Variants in PNMA2 observed in about 807,000 individuals in gnomAD.
The protein encoded by PNMA2 is paraneoplastic antigen Ma2.
For synonymous variants in PNMA2, 175 were observed against 183.5 expected (o/e 0.95, Z 0.38); for missense variants, 455 against 452.9 (o/e 1.00, Z -0.04).
rs1487114560 is a variant in PNMA2, at chr8:26,507,906, C to T, written c.850G>A (p.Ala284Thr). Reference sequence around the variant, plus strand: ...TGGTCCGCAATACGCCGAGGGATGGCGCGTTTCTCCACCGCTCTCCGGAGC... The same window carrying T: ...TGGTCCGCAATACGCCGAGGGATGGTGCGTTTCTCCACCGCTCTCCGGAGC... ...TLLRRAVEKR[A>T]IPRRIADQVR... Residue 284 changes from alanine to threonine, a missense_variant, in exon 3 of 3, where the codon GCC (alanine) becomes ACC (threonine). Physicochemically the swap from Ala to Thr is moderately conservative, Grantham distance 58. Transcript: ENST00000522362. 2 of 1,614,112 alleles carry T rather than the reference C, an allele frequency of 1.2e-6. No homozygotes were observed. The highest frequency in any genetic ancestry group is 1.7e-6 in the Non-Finnish European group (2 of 1,180,044).
intron 1 of PNMA2, among the ~76,000 whole-genome samples, chr8:26,511,006 T>A (rs893059708): frequency 1.3e-5 from 2 of 151,890 alleles, no homozygotes; most frequent in African/African-American, 2.4e-5. Flanking sequence ...ACAAAAATTA[T>A]CTGGGTGTGG....
intron 1 of PNMA2, among the ~76,000 whole-genome samples, chr8:26,512,123 C>T (rs1377349744): frequency 6.6e-6 from 1 of 152,184 alleles, no homozygotes; most frequent in Non-Finnish European, 1.5e-5. Context: ...TGGAAGACTC[C>T]CACTGGAATT....
chr8:26,512,776 C>T (rs962128001), intron 1 of PNMA2: 1 of 152,300 alleles, frequency 6.6e-6, no homozygotes, highest in African/African-American at 2.4e-5. Flanking sequence ...CAATGAAGGA[C>T]CAGCATTGAC....
In PNMA2 at chr8:26,509,800, T is replaced by C. The variant is rs1345421610; in HGVS notation, c.-618-123A>G. On this transcript the variant is annotated intron_variant, in intron 1 of 2. Coordinates refer to ENST00000522362, the MANE Select transcript of PNMA2 (RefSeq NM_007257.6). This position sits in a 1 kb window ranked among gnomAD's most constrained non-coding sequence, Gnocchi z 5.7. ...CAATACTACTCAATATTAAGTTGCT[T>C]TACCTCTTTGATTAACAAAACTAAT... is the stretch of plus-strand genomic sequence containing the variant. 1 of 152,224 alleles carries C rather than the reference T, an allele frequency of 6.6e-6. No homozygotes were observed. The highest frequency in any genetic ancestry group is 1.5e-5 in the Non-Finnish European group (1 of 68,036). 9.4% of individuals were successfully genotyped at this position (152,224 alleles called of 1,614,324 possible). A position where few individuals can be genotyped will look rare whatever the true frequency, so the allele number is the denominator to read the frequency against.
chr8:26,508,313 T>G lies in PNMA2; in HGVS notation c.443A>C (p.Gln148Pro), dbSNP rs376307662. The G allele has an allele frequency of 1.9e-6, 3 of 1,609,896 alleles. No homozygotes were observed. Among genetic ancestry groups the G allele is most frequent in the Non-Finnish European group, 2.5e-6 (3 of 1,177,760 alleles). The change falls in exon 3 of 3, where the codon CAG becomes CCG. Residue 148 changes from glutamine to proline, a missense_variant. Gln to Pro is a moderately conservative substitution (Grantham distance 76). Transcript: ENST00000522362. The surrounding 1 kb of genome is among the most constrained non-coding windows in gnomAD (Gnocchi z 5.5). ...GGGCTGAGGCGCATGTGCCATTGCC[T>G]GTCCCAACAAATGGGCCAGTAATTC... ...SPELLAHLLG[Q>P]AMAHAPQPLL...
At chr8:26,511,985 G>GA (rs1808165024) in intron 1 of PNMA2, among the ~76,000 whole-genome samples, 1 of 152,120 alleles carries the variant, frequency 6.6e-6, no homozygotes, top group Admixed American at 6.5e-5. Flanking sequence ...AACATGGCAA[G>GA]AAACACCCTT....
rs749499439 is a variant in PNMA2, at chr8:26,507,284, G to C, written c.*377C>G. 25 of 162,146 alleles carry C rather than the reference G, an allele frequency of 1.5e-4. No individual in the cohort carries two copies. The highest frequency in any genetic ancestry group is 2.8e-4 in the Non-Finnish European group (21 of 75,146). 10.0% of individuals were successfully genotyped at this position (162,146 alleles called of 1,614,324 possible). A position where few individuals can be genotyped will look rare whatever the true frequency, so the allele number is the denominator to read the frequency against. On this transcript the variant is annotated 3_prime_UTR_variant, in exon 3 of 3. Transcript: ENST00000522362. The stretch of plus-strand genomic sequence containing the variant: ...TCTCTACCAAAAATACAAAAGAATA[G>C]CTAGGCATGGTGGTGCGTGCCTGTA...
chr8:26,506,423 C>T lies in PNMA2; in HGVS notation c.*1238G>A, dbSNP rs1808045407. The T allele has an allele frequency of 1.3e-5, 2 of 152,314 alleles. No homozygotes were observed. Among genetic ancestry groups the T allele is most frequent in the African/African-American group, 4.8e-5 (2 of 41,470 alleles). 9.4% of individuals were successfully genotyped at this position (152,314 alleles called of 1,614,324 possible). On this transcript the variant is annotated 3_prime_UTR_variant, in exon 3 of 3. Coordinates refer to ENST00000522362, the MANE Select transcript of PNMA2 (RefSeq NM_007257.6). The surrounding 1 kb of genome is among the most constrained non-coding windows in gnomAD (Gnocchi z 4.4). ...TGCCCTAAACAACCCTGCTCTCAAG[C>T]ATGCAGTCCCCTCATGTCCCCCTTT...
Position 26,507,847 on chromosome 8 carries a change from A to C in PNMA2, c.909T>G (p.Thr303=). 6.2e-7 allele frequency: 1 copy of C among 1,614,012 alleles called. No individual in the cohort carries two copies. The highest frequency in any genetic ancestry group is 1.7e-5 in the Admixed American group (1 of 60,022). The change falls in exon 3 of 3, where the codon ACT becomes ACG. Residue 303 remains threonine, a synonymous_variant. Transcript: ENST00000522362. ...GCCGGCACCACAGCATCTGGTTAAG[A>C]GTGGCCCCAGCCATGACCTGCTCCA... ...VRLEQVMAGA[T]LNQMLWCRLR... is the part of the protein sequence containing the mutation.
Position 26,508,801 on chromosome 8 carries a change from T to C in PNMA2, c.-46A>G. On this transcript the variant is annotated 5_prime_UTR_variant, in exon 3 of 3. Transcript: ENST00000522362. This position sits in a 1 kb window ranked among gnomAD's most constrained non-coding sequence, Gnocchi z 5.5. Reference sequence around the variant, plus strand: ...TCTGACTCTACAGGCACCAATTTGTTAGTGGTGCAGCTATGCACTGACTTA... The same window carrying C: ...TCTGACTCTACAGGCACCAATTTGTCAGTGGTGCAGCTATGCACTGACTTA... The C allele has an allele frequency of 2.6e-6, 4 of 1,565,604 alleles. No individual in the cohort carries two copies. The highest frequency in any genetic ancestry group is 3.5e-6 in the Non-Finnish European group (4 of 1,158,504).
At chr8:26,511,088 G>T (rs1563369222) in intron 1 of PNMA2, among the ~76,000 whole-genome samples, 1 of 147,904 alleles carries the variant, frequency 6.8e-6, no homozygotes, top group Non-Finnish European at 1.5e-5. Flanking sequence ...GGAGACGGAA[G>T]TTGCAGTGAG....
chr8:26,509,293 A>G lies in PNMA2; in HGVS notation c.-488-50T>C, dbSNP rs747492898. On this transcript the variant is annotated intron_variant, in intron 2 of 2. Transcript: ENST00000522362. This position sits in a 1 kb window ranked among gnomAD's most constrained non-coding sequence, Gnocchi z 5.7. Reference sequence around the variant, plus strand: ...CTACACAGCACTCTCTTTCCTTGGAAGCATCCATACTCTAATCTGGAATGG... The same window carrying G: ...CTACACAGCACTCTCTTTCCTTGGAGGCATCCATACTCTAATCTGGAATGG... 1.2e-4 allele frequency: 19 copies of G among 158,742 alleles called. No individual in the cohort carries two copies. The highest frequency in any genetic ancestry group is 2.6e-4 in the Non-Finnish European group (18 of 68,332). 9.8% of individuals were successfully genotyped at this position (158,742 alleles called of 1,614,324 possible).
rs556801304 is a variant in PNMA2 at position 26,506,950 on chromosome 8, G to C, written c.*711C>G. 2.0e-5 allele frequency: 3 copies of C among 148,292 alleles called. No homozygotes were observed. Among genetic ancestry groups the C allele is most frequent in the East Asian group, 3.9e-4 (2 of 5,076 alleles). 9.2% of individuals were successfully genotyped at this position (148,292 alleles called of 1,614,324 possible). On this transcript the variant is annotated 3_prime_UTR_variant, in exon 3 of 3. Coordinates refer to ENST00000522362, the MANE Select transcript of PNMA2 (RefSeq NM_007257.6). The surrounding 1 kb of genome is among the most constrained non-coding windows in gnomAD (Gnocchi z 4.4). ...CATTACAAAAGGTATTTTTTTTTTT[G>C]ACTGCCAATTCTTTCTTCTATGGTA...
At chr8:26,512,836 T>C (rs1808186096) in intron 1 of PNMA2, 1 of 152,440 alleles carries the variant, frequency 6.6e-6, no homozygotes, top group African/African-American at 2.4e-5. Flanking sequence ...ACCAACCCGG[T>C]GGCCGTGGCT....
Position 26,509,842 on chromosome 8 carries a change from G to A in PNMA2, c.-618-165C>T, listed in dbSNP as rs149799147. On this transcript the variant is annotated intron_variant, in intron 1 of 2. Transcript: ENST00000522362. This position sits in a 1 kb window ranked among gnomAD's most constrained non-coding sequence, Gnocchi z 5.7. The stretch of plus-strand genomic sequence containing the variant: ...AAAACTAATGAGGAATCACTCAAAC[G>A]TTTAAAAATAGTTTAATCTAGGTAT... Among the ~76,000 whole-genome samples the A allele has an allele frequency of 7.8e-4, 119 of 152,230 alleles. No homozygotes were observed. The highest frequency in any genetic ancestry group is 2.6e-3 in the African/African-American group (106 of 41,532).
Position 26,507,727 on chromosome 8 carries a change from A to G in PNMA2, c.1029T>C (p.Asn343=), listed in dbSNP as rs760582852. The G allele has an allele frequency of 3.7e-6, 6 of 1,606,200 alleles. No homozygotes were observed. In the Admixed American group the frequency reaches 8.5e-5, roughly 23 times the overall value. ...EEEEEEASFE[N]ESIEEPEERD... ...GTTCCTCTGGCTCTTCGATACTCTC[A>G]TTCTCAAAGGAGGCCTCTTCCTCCT... is the stretch of plus-strand genomic sequence containing the variant. Residue 343 remains asparagine, a synonymous_variant, in exon 3 of 3, where the codon AAT becomes AAC. Transcript: ENST00000522362.
chr8:26,512,544 G>T (rs1050298300), intron 1 of PNMA2, among the ~76,000 whole-genome samples: 40 of 152,142 alleles, frequency 2.6e-4, no homozygotes, highest in African/African-American at 9.4e-4. Flanking sequence ...CTGACAATGG[G>T]ACTGGATCCC....
Position 26,507,903 on chromosome 8 carries a change from T to C in PNMA2, c.853A>G (p.Ile285Val). 2 of 1,614,190 alleles carry C rather than the reference T, an allele frequency of 1.2e-6. No individual in the cohort carries two copies. The highest frequency in any genetic ancestry group is 8.5e-7 in the Non-Finnish European group (1 of 1,180,046). The change falls in exon 3 of 3, where the codon ATC becomes GTC. Residue 285 changes from isoleucine to valine, a missense_variant. Ile to Val is a conservative substitution (Grantham distance 29). Transcript: ENST00000522362. ...LLRRAVEKRA[I>V]PRRIADQVRL... ...ACCTGGTCCGCAATACGCCGAGGGATGGCGCGTTTCTCCACCGCTCTCCGG... is the reference window on the plus strand; with the variant it reads ...ACCTGGTCCGCAATACGCCGAGGGACGGCGCGTTTCTCCACCGCTCTCCGG...
At position 26,508,204 on chromosome 8, in the gene PNMA2, C is replaced by G. The variant is rs770201366; in HGVS notation, c.552G>C (p.Trp184Cys). The G allele has an allele frequency of 6.2e-7, 1 of 1,612,074 alleles. No homozygotes were observed. The highest frequency in any genetic ancestry group is 1.7e-5 in the Admixed American group (1 of 59,794). Residue 184 changes from tryptophan (W) to cysteine (C), a missense_variant, in exon 3 of 3, where the codon TGG (tryptophan) becomes TGC (cysteine). By Grantham distance (215) the Trp-to-Cys change is radical (BLOSUM62 -2). Transcript: ENST00000522362. The surrounding 1 kb of genome is among the most constrained non-coding windows in gnomAD (Gnocchi z 5.5). Reference sequence around the variant, plus strand: ...TGACTATCTCCGTGGCCTGTTCCAACCAGACCTCAAAGGACTCTTCCTCTG... The same window carrying G: ...TGACTATCTCCGTGGCCTGTTCCAAGCAGACCTCAAAGGACTCTTCCTCTG... ...PAPEEESFEV[W>C]LEQATEIVKE...
Sources: gnomAD v4.1 joint callset for allele counts (sites outside exome capture counted in the v4.1 genomes callset) on GRCh38, gnomAD v4.1.1 for gene constraint, Gnocchi (gnomAD v3.1) non-coding constraint, MANE v1.5 for transcripts, NCBI Gene and HGNC (gene_info 2026-07-23, HGNC 2026-07-21) for gene names.